The following SLC35F4 variants were observed in gnomAD, a reference collection of about 807,000 sequenced individuals.
SLC35F4 encodes the protein chromosome 14 open reading frame 36.
A neutral mutation model predicts 44.2 loss-of-function variants in SLC35F4; 24 were observed. The observed-to-expected ratio is 0.54, with a 90% CI of 0.39 to 0.76. The LOEUF (loss-of-function observed/expected upper bound fraction) is 0.76. Ranked by LOEUF, SLC35F4 falls within the 30% of genes least tolerant of loss-of-function variation. The pLI is 0.00. For missense variants in SLC35F4, 562 were observed against 586.1 expected (o/e 0.96, Z 0.42); for synonymous variants, 238 against 223.6 (o/e 1.06, Z -0.57).
At chr14:57,937,586 GAAAGAAAAGAAAAGAAAAGAAAAGA>G (rs67004414) in intron 1 of SLC35F4, among the ~76,000 whole-genome samples, 9,958 of 113,896 alleles carry the variant, frequency 0.087, 444 homozygotes, top group Middle Eastern at 0.17. Context: ...GAAAAGAAAA[GAAAGAAAAGAAAAGAAAAGAAAAGA>G]AAAGAAAAGA....
chr14:57,624,606 A>G (rs1275430199), intron 1 of SLC35F4, among the ~76,000 whole-genome samples: 1 of 152,206 alleles, frequency 6.6e-6, no homozygotes, highest in African/African-American at 2.4e-5. Context: ...TTTATCCACC[A>G]TGTTCAAGTC....
At chr14:57,643,184 A>C (rs1299899156) in intron 1 of SLC35F4, among the ~76,000 whole-genome samples, 1 of 152,058 alleles carries the variant, frequency 6.6e-6, no homozygotes, top group Non-Finnish European at 1.5e-5. Flanking sequence ...GTATAGTAAC[A>C]CTTACTAGAG....
intron 1 of SLC35F4, among the ~76,000 whole-genome samples, chr14:57,859,583 C>T (rs1887503388): frequency 6.6e-6 from 1 of 152,086 alleles, no homozygotes. Flanking sequence ...GGACTTTATT[C>T]CACAGAAGTG....
At chr14:57,669,053 G>A (rs1400560722) in intron 1 of SLC35F4, among the ~76,000 whole-genome samples, 1 of 152,046 alleles carries the variant, frequency 6.6e-6, no homozygotes, top group Non-Finnish European at 1.5e-5. Flanking sequence ...TACATCCCCT[G>A]TAAGTTGGAT....
chr14:57,841,903 T>C (rs901791457), intron 1 of SLC35F4, among the ~76,000 whole-genome samples: 9 of 152,204 alleles, frequency 5.9e-5, no homozygotes, highest in Non-Finnish European at 8.8e-5. Context: ...TCAGATATTG[T>C]GATATTTGGA....
At chr14:57,636,676 C>T (rs545059958) in intron 1 of SLC35F4, among the ~76,000 whole-genome samples, 8 of 152,056 alleles carry the variant, frequency 5.3e-5, no homozygotes, top group South Asian at 2.1e-4. Flanking sequence ...AGTTAGATGA[C>T]GATTTCTGCT....
At chr14:57,604,101 G>T (rs907936507) in intron 1 of SLC35F4, 1 of 152,156 alleles carries the variant, frequency 6.6e-6, no homozygotes, top group Non-Finnish European at 1.5e-5. Context: ...AAGTTTTCTC[G>T]TGTAAGAGAG....
At chr14:57,952,473 G>T (rs928995352) in intron 1 of SLC35F4, among the ~76,000 whole-genome samples, 7 of 151,980 alleles carry the variant, frequency 4.6e-5, no homozygotes, top group Admixed American at 1.3e-4. Context: ...CAGAAGATGG[G>T]TAATAACAAA....
chr14:57,914,194 C>A (rs779411163), intron 1 of SLC35F4, among the ~76,000 whole-genome samples: 2 of 152,064 alleles, frequency 1.3e-5, no homozygotes, highest in Non-Finnish European at 2.9e-5. Context: ...ACAGGTCATC[C>A]CGTGGTGAAA....
intron 1 of SLC35F4, among the ~76,000 whole-genome samples, chr14:57,969,831 A>G (rs1041784347): frequency 6.6e-6 from 1 of 152,176 alleles, no homozygotes; most frequent in African/African-American, 2.4e-5. Flanking sequence ...CAAGAGGCTG[A>G]CTATGAAGTC....
At chr14:57,948,242 C>T (rs965134478) in intron 1 of SLC35F4, among the ~76,000 whole-genome samples, 2 of 151,992 alleles carry the variant, frequency 1.3e-5, no homozygotes, top group African/African-American at 4.8e-5. Context: ...GTTTCTATTT[C>T]TTCCTGATTT....
At chr14:57,684,130 G>C (rs192232403) in intron 1 of SLC35F4, among the ~76,000 whole-genome samples, 34 of 152,210 alleles carry the variant, frequency 2.2e-4, no homozygotes, top group African/African-American at 6.7e-4. Context: ...GGAGCCATGA[G>C]AATCACAGCT....
chr14:57,600,566 C>CTA (rs2070752783), intron 1 of SLC35F4, among the ~76,000 whole-genome samples: 1 of 146,372 alleles, frequency 6.8e-6, no homozygotes, highest in East Asian at 2.0e-4. Flanking sequence ...GTGGCGGGCG[C>CTA]CTGTAGTCCC....
rs530361340 is a variant in SLC35F4, at chr14:57,863,266, G to T, written c.103+2457C>A. Reference sequence around the variant, plus strand: ...AACAAATGCCCTATTGCCCATTAAAGTACCTTCATTTATCTGAATTCTATC... The same window carrying T: ...AACAAATGCCCTATTGCCCATTAAATTACCTTCATTTATCTGAATTCTATC... On this transcript the variant is annotated intron_variant, in intron 1 of 7. Coordinates refer to ENST00000556826, the MANE Select transcript of SLC35F4 (RefSeq NM_001306087.2). Among the ~76,000 whole-genome samples, 22 of 152,264 alleles carry T rather than the reference G, an allele frequency of 1.4e-4. No individual in the cohort carries two copies. In the South Asian group the frequency reaches 4.6e-3, roughly 32 times the overall value.
At chr14:57,826,038 A>G (rs10148985) in intron 1 of SLC35F4, among the ~76,000 whole-genome samples, 22,798 of 152,198 alleles carry the variant, frequency 0.15, 2,127 homozygotes, top group African/African-American at 0.26. Context: ...GGAACCAAAA[A>G]TGAGCCCATA....
chr14:57,595,152 G>A (rs1477295474), intron 1 of SLC35F4, among the ~76,000 whole-genome samples: 1 of 152,084 alleles, frequency 6.6e-6, no homozygotes, highest in African/African-American at 2.4e-5. Context: ...TCCACCTATG[G>A]TCTGATATAG....
upstream of SLC35F4, chr14:57,866,112 C>A (rs975147089): frequency 1.5e-5 from 3 of 197,114 alleles, no homozygotes; most frequent in South Asian, 1.5e-4. Context: ...TCACCTCCGA[C>A]GCCCACCGTG....
intron 1 of SLC35F4, among the ~76,000 whole-genome samples, chr14:57,737,188 T>C (rs1429570291): frequency 6.6e-6 from 1 of 151,886 alleles, no homozygotes; most frequent in Non-Finnish European, 1.5e-5. Context: ...AAGGTACGCC[T>C]AAAGTAGTAA....
chr14:57,712,936 T>A (rs1415296191), intron 1 of SLC35F4, among the ~76,000 whole-genome samples: 1 of 152,168 alleles, frequency 6.6e-6, no homozygotes, highest in Non-Finnish European at 1.5e-5. Flanking sequence ...TTGTTCTTGG[T>A]TTGGTTTTAT....
Sources: gnomAD v4.1 joint callset for allele counts (sites outside exome capture counted in the v4.1 genomes callset) on GRCh38, gnomAD v4.1.1 for gene constraint, MANE v1.5 for transcripts, NCBI Gene and HGNC (gene_info 2026-07-23, HGNC 2026-07-21) for gene names.